The following SLC28A1 variants were observed in gnomAD, a reference collection of about 807,000 sequenced individuals.
The protein encoded by SLC28A1 is sodium/nucleoside cotransporter 1.
A neutral mutation model predicts 74.8 loss-of-function variants in SLC28A1; 64 were observed. That is an observed-to-expected ratio of 0.86 (90% CI 0.70 to 1.05). SLC28A1 has a LOEUF of 1.05. SLC28A1 is among the 50% of genes least tolerant of loss of function. The pLI is 0.00. For missense variants in SLC28A1, 828 were observed against 822.8 expected, an observed-to-expected ratio of 1.01 and a Z score of -0.08; for synonymous variants, 359 against 335.0, an observed-to-expected ratio of 1.07 and a Z score of -0.78.
In SLC28A1 at chr15:84,933,160, T is replaced by C; in HGVS notation, c.1099T>C (p.Leu367=). 2.5e-6 allele frequency: 4 copies of C among 1,613,658 alleles called. No individual in the cohort carries two copies. Among genetic ancestry groups the C allele is most frequent in the Non-Finnish European group, 3.4e-6 (4 of 1,179,756 alleles). Residue 367 remains leucine (L), a synonymous_variant, in exon 13 of 19, where the codon TTG becomes CTG. Transcript: ENST00000394573. ...ACTCTTGCAGATCGATGCCACCTCG[T>C]TGATTGCAGCCTCTGTGATGGCTGC... ...YISFGIDATS[L]IAASVMAAPC... is the part of the protein sequence containing the mutation.
chr15:84,917,686 A>G (rs183243665), intron 9 of SLC28A1, among the ~76,000 whole-genome samples: 35 of 152,290 alleles, frequency 2.3e-4, no homozygotes, highest in Admixed American at 2.2e-3. Context: ...AGCTGCCCAT[A>G]GAGAGCTTCT....
intron 11 of SLC28A1, among the ~76,000 whole-genome samples, chr15:84,922,972 T>C (rs138654885): frequency 2.2e-3 from 336 of 152,350 alleles, no homozygotes; most frequent in African/African-American, 7.7e-3. Flanking sequence ...AGTCTCGCTC[T>C]GTCACCTAGG....
chr15:84,942,514 T>A (rs1169759657), intron 15 of SLC28A1, among the ~76,000 whole-genome samples: 1 of 152,224 alleles, frequency 6.6e-6, no homozygotes, highest in African/African-American at 2.4e-5. Context: ...GTTTGAACAC[T>A]TACTGTCTGC....
intron 6 of SLC28A1, chr15:84,895,859 AAAGACT>A (rs1312547906): frequency 1.6e-5 from 17 of 1,070,954 alleles, no homozygotes; most frequent in Non-Finnish European, 1.7e-5. Flanking sequence ...AAAGATACCC[AAAGACT>A]AAGTCAGGGG....
At chr15:84,910,088 C>A (rs1967913096) in intron 9 of SLC28A1, among the ~76,000 whole-genome samples, 3 of 152,198 alleles carry the variant, frequency 2.0e-5, no homozygotes, top group Admixed American at 2.0e-4. Flanking sequence ...CTTGTGCCAG[C>A]AGACTCCTAG....
In SLC28A1 at chr15:84,917,548, A is replaced by AGC. The variant is rs1171489253; in HGVS notation, c.796-976_796-975insGC. Among the ~76,000 whole-genome samples, 401 of 152,258 alleles carry AGC rather than the reference A, an allele frequency of 2.6e-3. 2 individuals carry two copies. Among genetic ancestry groups the AGC allele is most frequent in the African/African-American group, 9.4e-3 (389 of 41,558 alleles). ...CTCAGCCTCCTGAGTAGCTGGGACT[A>AGC]TAGACATGTGCCATCATGCATGGCT... On this transcript the variant is annotated intron_variant, in intron 9 of 18. Transcript: ENST00000394573.
intron 12 of SLC28A1, among the ~76,000 whole-genome samples, chr15:84,925,067 G>GTTTTTTTTTTTTTTT (rs964017770): frequency 5.6e-4 from 47 of 84,156 alleles, no homozygotes; most frequent in Non-Finnish European, 6.6e-4. Context: ...CGCCCAGCTA[G>GTTTTTTTTTTTTTTT]TTTTTTTTTT....
chr15:84,969,810 G>A, the SLC28A1 span, among the ~76,000 whole-genome samples: 1 of 152,120 alleles, frequency 6.6e-6, no homozygotes, highest in Admixed American at 6.5e-5. Context: ...GATCCCAGGG[G>A]TCCTGGCTAT....
At chr15:84,896,840 G>C (rs1353253405) in intron 6 of SLC28A1, among the ~76,000 whole-genome samples, 1 of 152,150 alleles carries the variant, frequency 6.6e-6, no homozygotes, top group Non-Finnish European at 1.5e-5. Flanking sequence ...TAAACCTTGG[G>C]AACATCATGC....
At chr15:84,941,349 G>T (rs943621730) in intron 15 of SLC28A1, among the ~76,000 whole-genome samples, 11 of 151,418 alleles carry the variant, frequency 7.3e-5, no homozygotes, top group Non-Finnish European at 1.6e-4. Context: ...GGGACTACAG[G>T]CACCCGCCAC....
chr15:84,946,414 A>G (rs1017445184), downstream of SLC28A1, among the ~76,000 whole-genome samples: 1 of 152,056 alleles, frequency 6.6e-6, no homozygotes, highest in Non-Finnish European at 1.5e-5. Flanking sequence ...AGCGCTTTAT[A>G]TATTTTAACT....
downstream of SLC28A1, among the ~76,000 whole-genome samples, chr15:84,947,422 C>T (rs74493656): frequency 0.016 from 2,369 of 152,364 alleles, 68 homozygotes; most frequent in African/African-American, 0.054. Context: ...CTTCTCTGGA[C>T]TCCCTGCACG....
chr15:84,931,677 A>G (rs1218447844), intron 12 of SLC28A1, among the ~76,000 whole-genome samples: 1 of 99,382 alleles, frequency 1.0e-5, no homozygotes, highest in African/African-American at 3.7e-5. Context: ...AAAAAAAAAA[A>G]TGAAAGAAAA....
At chr15:84,946,098 A>G (rs1223421968), downstream of SLC28A1, among the ~76,000 whole-genome samples, 208 of 15,484 alleles carry the variant, frequency 0.013, 9 homozygotes, top group African/African-American at 0.036. Flanking sequence ...ATATATATAT[A>G]TATATATATA....
Position 84,935,113 on chromosome 15 carries a change from GT to G in SLC28A1, c.1304del (p.Phe435SerfsTer37). 2.5e-6 allele frequency: 4 copies of G among 1,614,154 alleles called. No homozygotes were observed. The highest frequency in any genetic ancestry group is 8.5e-7 in the Non-Finnish European group (1 of 1,179,988). On this transcript the variant is annotated frameshift_variant, in exon 14 of 19. Transcript: ENST00000394573. LOFTEE classifies it high-confidence loss of function. ...VANIAANLIAFLAVLDFINAA... is the reference protein window; with the variant it reads ...VANIAANLIAXLAVLDFINAA... Reference sequence around the variant, plus strand: ...CCAACATCGCTGCCAACCTGATTGCGTTCCTGGCTGTGCTGGACTTTATCAA... The same window carrying G: ...CCAACATCGCTGCCAACCTGATTGCGTCCTGGCTGTGCTGGACTTTATCAA...
chr15:84,943,405 C>T (rs1319669484), intron 15 of SLC28A1, 40 bp from the exon 16 acceptor site: 1 of 1,479,258 alleles, frequency 6.8e-7, no homozygotes, highest in Non-Finnish European at 9.5e-7. Context: ...CCAGGCCCAT[C>T]TGAGGGGAGC....
chr15:84,922,030 T>C (rs1489256880), intron 11 of SLC28A1, among the ~76,000 whole-genome samples: 1 of 152,186 alleles, frequency 6.6e-6, no homozygotes, highest in Non-Finnish European at 1.5e-5. Context: ...CTGACCTAGA[T>C]GCCGGGGTCT....
rs749532243 is a variant in SLC28A1, at chr15:84,935,020, C to A, written c.1215-6C>A. ...CAGTAATGATCATTCTTGATCCCAA[C>A]AACAGAGATGCTCAGAACCTCATAG... On this transcript the variant is annotated splice_polypyrimidine_tract_variant and splice_region_variant and intron_variant, in intron 13 of 18. Coordinates refer to ENST00000394573, the MANE Select transcript of SLC28A1 (RefSeq NM_004213.5). The A allele has an allele frequency of 5.0e-6, 8 of 1,613,598 alleles. No homozygotes were observed. Among genetic ancestry groups the A allele is most frequent in the Middle Eastern group, 3.3e-4 (2 of 6,082 alleles).
intron 15 of SLC28A1, chr15:84,940,850 G>T: frequency 5.3e-6 from 1 of 189,676 alleles, no homozygotes; most frequent in East Asian, 1.3e-4. Context: ...AGGCCTCTTG[G>T]GCGCATTGGG....
Sources: allele counts gnomAD v4.1 joint callset (sites outside exome capture counted in the v4.1 genomes callset), GRCh38; gene constraint gnomAD v4.1.1; transcripts MANE v1.5; gene names NCBI Gene and HGNC (gene_info 2026-07-23, HGNC 2026-07-21).